Variants in DAB1 observed in about 807,000 individuals in gnomAD.
DAB1 encodes DAB adaptor protein 1.
In DAB1, 15 loss-of-function variants were observed where a neutral mutation model predicts 64.6. That is an observed-to-expected ratio of 0.23 (90% CI 0.16 to 0.36). The LOEUF is 0.36. Among genes scored for constraint, DAB1 ranks in the 10% least tolerant of loss-of-function variants. The pLI is 1.00. For missense variants in DAB1, 596 were observed against 706.7 expected (o/e 0.84, Z 1.78); for synonymous variants, 235 against 251.9 (o/e 0.93, Z 0.64).
At chr1:57,017,912 G>T (rs1303532186) in intron 11 of DAB1, among the ~76,000 whole-genome samples, 1 of 152,104 alleles carries the variant, frequency 6.6e-6, no homozygotes, top group Non-Finnish European at 1.5e-5. Context: ...GAGTGCTACT[G>T]CCCCCTAGGG....
At chr1:57,486,997 A>G (rs1644100747) in intron 7 of DAB1, among the ~76,000 whole-genome samples, 2 of 152,166 alleles carry the variant, frequency 1.3e-5, no homozygotes, top group East Asian at 1.9e-4. Flanking sequence ...CTCGGCATAT[A>G]AATGTCAGGA....
At chr1:58,012,893 G>C (rs1212171374) in intron 5 of DAB1, among the ~76,000 whole-genome samples, 1 of 152,178 alleles carries the variant, frequency 6.6e-6, no homozygotes, top group Non-Finnish European at 1.5e-5. Flanking sequence ...AGACTGTGTG[G>C]CAGGCTGTGG....
At chr1:57,284,601 C>G (rs1013644197) in intron 2 of DAB1, among the ~76,000 whole-genome samples, 1 of 152,308 alleles carries the variant, frequency 6.6e-6, no homozygotes, top group Admixed American at 6.5e-5. Flanking sequence ...TGATTGACCC[C>G]AGGCTGCCTC....
intron 5 of DAB1, among the ~76,000 whole-genome samples, chr1:58,024,138 A>T (rs1326035608): frequency 6.6e-6 from 1 of 152,194 alleles, no homozygotes; most frequent in East Asian, 1.9e-4. Context: ...TTCACTTGTT[A>T]ATTTGTCCCT....
chr1:57,237,926 A>G (rs1668211868), intron 2 of DAB1, among the ~76,000 whole-genome samples: 1 of 152,160 alleles, frequency 6.6e-6, no homozygotes, highest in African/African-American at 2.4e-5. Context: ...TAGTTCAGGC[A>G]AAGAACGAGA....
intron 3 of DAB1, among the ~76,000 whole-genome samples, chr1:58,489,852 C>G (rs572567350): frequency 6.6e-6 from 1 of 152,308 alleles, no homozygotes; most frequent in East Asian, 1.9e-4. Flanking sequence ...GGTCCTCCAG[C>G]AAACTCCAAC....
intron 1 of DAB1, among the ~76,000 whole-genome samples, chr1:57,372,521 C>G (rs1051603297): frequency 6.6e-6 from 1 of 152,176 alleles, no homozygotes; most frequent in Non-Finnish European, 1.5e-5. Context: ...AGGCCCAACT[C>G]ATATTTATAA....
At chr1:57,191,290 C>T (rs1664100189) in intron 2 of DAB1, among the ~76,000 whole-genome samples, 1 of 152,302 alleles carries the variant, frequency 6.6e-6, no homozygotes, top group South Asian at 2.1e-4. Flanking sequence ...GACGCCCACA[C>T]CTGAGAGGCC....
intron 14 of DAB1, among the ~76,000 whole-genome samples, chr1:57,007,051 ACT>A (rs1336854946): frequency 1.4e-5 from 2 of 144,318 alleles, no homozygotes; most frequent in Non-Finnish European, 3.0e-5. Flanking sequence ...TTCCTCTCTC[ACT>A]CTCTTAAGAT....
chr1:57,149,540 G>A (rs1382264940), intron 2 of DAB1, among the ~76,000 whole-genome samples: 1 of 152,164 alleles, frequency 6.6e-6, no homozygotes, highest in East Asian at 1.9e-4. Flanking sequence ...TAGGTGTTAA[G>A]TGATATTTCA....
In DAB1 at chr1:58,316,486, AC is replaced by A. The variant is rs1402156710; in HGVS notation, n.309+26865del. On this transcript the variant is annotated intron_variant and non_coding_transcript_variant, in intron 4 of 20. Coordinates refer to the DAB1 transcript ENST00000485760. ...GGTGCTGGGGACACATAGTGAATAG[AC>A]CTCAGTCTCTGCCCTTGTGGTGCTC... Among the ~76,000 whole-genome samples the A allele has an allele frequency of 1.2e-4, 19 of 152,228 alleles. No individual in the cohort carries two copies. In the East Asian group the frequency reaches 3.7e-3, roughly 29 times the overall value.
intron 2 of DAB1, among the ~76,000 whole-genome samples, chr1:57,252,941 G>A (rs975859195): frequency 1.3e-5 from 2 of 152,122 alleles, no homozygotes; most frequent in Non-Finnish European, 2.9e-5. Context: ...ATAGATGAAT[G>A]GGCTAAATCA....
intron 2 of DAB1, among the ~76,000 whole-genome samples, chr1:57,247,482 T>C (rs1668973220): frequency 1.3e-5 from 2 of 152,204 alleles, no homozygotes; most frequent in Non-Finnish European, 2.9e-5. Flanking sequence ...ACCTGTTTTC[T>C]TCATAAATCA....
intron 3 of DAB1, among the ~76,000 whole-genome samples, chr1:58,489,214 G>A (rs548889643): frequency 5.9e-4 from 90 of 152,284 alleles, no homozygotes; most frequent in African/African-American, 1.8e-3. Context: ...GGTAACAGAC[G>A]GCACCTGGAA....
At position 58,264,577 on chromosome 1, in the gene DAB1, C is replaced by A. The variant is rs139669436; in HGVS notation, n.309+78775G>T. ...TTTCCTCCACGTGATGATTTAGGGGCATAAGTTATTTGTGTCTTCAACACA... is the reference window on the plus strand; with the variant it reads ...TTTCCTCCACGTGATGATTTAGGGGAATAAGTTATTTGTGTCTTCAACACA... On this transcript the variant is annotated intron_variant and non_coding_transcript_variant, in intron 4 of 20. Coordinates refer to the DAB1 transcript ENST00000485760. Among the ~76,000 whole-genome samples the A allele has an allele frequency of 2.6e-5, 4 of 152,318 alleles. No homozygotes were observed. The East Asian group carries it at 5.8e-4, about 22-fold the overall frequency.
intron 5 of DAB1, among the ~76,000 whole-genome samples, chr1:58,088,788 G>A (rs1372796146): frequency 6.6e-6 from 1 of 152,114 alleles, no homozygotes; most frequent in Non-Finnish European, 1.5e-5. Flanking sequence ...AAGGAGCTTG[G>A]AGCCTGGTGG....
At chr1:57,186,830 T>C (rs1454548962) in intron 2 of DAB1, among the ~76,000 whole-genome samples, 1 of 152,216 alleles carries the variant, frequency 6.6e-6, no homozygotes, top group Non-Finnish European at 1.5e-5. Flanking sequence ...AAATTAACTA[T>C]TCTGTGTCAA....
chr1:57,536,157 C>G lies in DAB1; in HGVS notation n.625+113435G>C, dbSNP rs114793308. On this transcript the variant is annotated intron_variant and non_coding_transcript_variant, in intron 7 of 20. Transcript: ENST00000485760. ...TGACTTCAACTTCTCCTGCGATGTTCCAGCACTGCCATTAATTGATCCATG... is the reference window on the plus strand; with the variant it reads ...TGACTTCAACTTCTCCTGCGATGTTGCAGCACTGCCATTAATTGATCCATG... Among the ~76,000 whole-genome samples, 872 of 152,278 alleles carry G rather than the reference C, an allele frequency of 5.7e-3. 4 individuals are homozygous for G. Among genetic ancestry groups the G allele is most frequent in the African/African-American group, 0.013 (539 of 41,568 alleles).
At chr1:57,169,315 G>C (rs1661507588) in intron 2 of DAB1, among the ~76,000 whole-genome samples, 1 of 151,880 alleles carries the variant, frequency 6.6e-6, no homozygotes, top group South Asian at 2.1e-4. Flanking sequence ...CACTTGCAAG[G>C]GCCAGGATTT....
Sources: gnomAD v4.1 joint callset for allele counts (sites outside exome capture counted in the v4.1 genomes callset) on GRCh38, gnomAD v4.1.1 for gene constraint, MANE v1.5 for transcripts, NCBI Gene and HGNC (gene_info 2026-07-23, HGNC 2026-07-21) for gene names.